The following PARD3 variants were observed in gnomAD, a reference collection of about 807,000 sequenced individuals.
PARD3 encodes partitioning defective 3 homolog.
Under a neutral mutation model 155.4 loss-of-function variants are expected in PARD3, and 75 were observed. The ratio of observed to expected loss-of-function variants is 0.48; its 90% confidence interval spans 0.40 to 0.58. The LOEUF (loss-of-function observed/expected upper bound fraction) is 0.58. Among genes scored for constraint, PARD3 ranks in the 20% least tolerant of loss-of-function variants. The pLI is 0.00. For synonymous variants in PARD3, 576 were observed against 610.5 expected, an observed-to-expected ratio of 0.94 and a Z score of 0.83; for missense variants, 1,642 against 1,721.7, an observed-to-expected ratio of 0.95 and a Z score of 0.82.
At chr10:34,577,765 G>A (rs1465769317) in intron 2 of PARD3, among the ~76,000 whole-genome samples, 1 of 152,170 alleles carries the variant, frequency 6.6e-6, no homozygotes, top group Non-Finnish European at 1.5e-5. Flanking sequence ...TACATAGATG[G>A]ATTCTTTAAA....
chr10:34,761,620 T>C (rs1837446817), intron 1 of PARD3, among the ~76,000 whole-genome samples: 2 of 152,232 alleles, frequency 1.3e-5, no homozygotes, highest in African/African-American at 4.8e-5. Flanking sequence ...TTTCTTCTAC[T>C]AACTCACATA....
intron 2 of PARD3, among the ~76,000 whole-genome samples, chr10:34,569,062 T>C (rs977674763): frequency 3.3e-5 from 5 of 152,246 alleles, no homozygotes; most frequent in Non-Finnish European, 7.3e-5. Context: ...AGATGAACTG[T>C]ATTTTACAAA....
chr10:34,225,441 G>A (rs529968086), intron 22 of PARD3, among the ~76,000 whole-genome samples: 42 of 152,054 alleles, frequency 2.8e-4, no homozygotes, highest in Non-Finnish European at 5.3e-4. Flanking sequence ...CACCTCCCGG[G>A]TTCAAGTGAT....
At chr10:34,333,281 A>C (rs1251710561) in intron 18 of PARD3, among the ~76,000 whole-genome samples, 1 of 152,154 alleles carries the variant, frequency 6.6e-6, no homozygotes, top group Admixed American at 6.5e-5. Flanking sequence ...GTGTACTGAC[A>C]GCAATAAAAA....
intron 2 of PARD3, among the ~76,000 whole-genome samples, chr10:34,605,585 ATATCTCC>A (rs1220261039): frequency 1.2e-4 from 6 of 50,594 alleles, no homozygotes; most frequent in South Asian, 5.7e-4. Flanking sequence ...TCTCCTATAT[ATATCTCC>A]TATATATATA....
chr10:34,305,497 C>A (rs1957359632), intron 20 of PARD3, among the ~76,000 whole-genome samples: 1 of 152,208 alleles, frequency 6.6e-6, no homozygotes, highest in African/African-American at 2.4e-5. Context: ...CAGAATCTTA[C>A]ACAACTCCTA....
chr10:34,435,764 G>C (rs1000242861), intron 5 of PARD3, among the ~76,000 whole-genome samples: 3 of 152,144 alleles, frequency 2.0e-5, no homozygotes, highest in African/African-American at 7.2e-5. Flanking sequence ...TAACACAGAA[G>C]TAAATTACAA....
chr10:34,526,359 C>A (rs1039666886), intron 2 of PARD3, among the ~76,000 whole-genome samples: 2 of 152,158 alleles, frequency 1.3e-5, no homozygotes, highest in African/African-American at 4.8e-5. Flanking sequence ...CCTGAAATCT[C>A]CCCCAGTCCC....
chr10:34,519,067 T>A (rs1413056417), intron 2 of PARD3, among the ~76,000 whole-genome samples: 2 of 152,050 alleles, frequency 1.3e-5, no homozygotes, highest in Non-Finnish European at 2.9e-5. Flanking sequence ...AAACCCAAAT[T>A]GAGGGATATT....
At chr10:34,255,269 C>T (rs993739528) in intron 22 of PARD3, among the ~76,000 whole-genome samples, 1 of 152,172 alleles carries the variant, frequency 6.6e-6, no homozygotes, top group African/African-American at 2.4e-5. Context: ...CCAATCCACG[C>T]TATAGTTTTA....
chr10:34,129,609 C>T (rs537892177), intron 23 of PARD3, among the ~76,000 whole-genome samples: 41 of 152,012 alleles, frequency 2.7e-4, no homozygotes, highest in African/African-American at 8.9e-4. Flanking sequence ...TACCTTTAAT[C>T]TCCCCTTCCC....
At chr10:34,477,123 T>C (rs191408657) in intron 3 of PARD3, among the ~76,000 whole-genome samples, 1 of 152,320 alleles carries the variant, frequency 6.6e-6, no homozygotes, top group East Asian at 1.9e-4. Flanking sequence ...TTCAGCATTA[T>C]TAATAATCTG....
rs113196470 is a variant in PARD3 at position 34,757,233 on chromosome 10, A to T, written c.120+57643T>A. ...TTCAAACACAGTGATCATGACTGAA[A>T]ATTATAGTTAATTACTAGTCAGCAC... On this transcript the variant is annotated intron_variant, in intron 1 of 24. Coordinates refer to ENST00000374788, the MANE Select transcript of PARD3 (RefSeq NM_001184785.2). Among the ~76,000 whole-genome samples the T allele has an allele frequency of 5.4e-3, 828 of 152,338 alleles. 8 individuals are homozygous for T. The highest frequency in any genetic ancestry group is 0.019 in the African/African-American group (787 of 41,566).
chr10:34,719,894 G>C (rs1046378912), intron 1 of PARD3, among the ~76,000 whole-genome samples: 1 of 152,078 alleles, frequency 6.6e-6, no homozygotes, highest in Non-Finnish European at 1.5e-5. Flanking sequence ...CAACTCACAG[G>C]GCAAAACCCA....
At chr10:34,429,990 A>G (rs114726321) in intron 5 of PARD3, among the ~76,000 whole-genome samples, 4,164 of 152,272 alleles carry the variant, frequency 0.027, 188 homozygotes, top group African/African-American at 0.095. Flanking sequence ...TTGGTCTCCC[A>G]AAGTGCTAAG....
intron 22 of PARD3, among the ~76,000 whole-genome samples, chr10:34,179,156 A>G (rs1466403979): frequency 7.1e-6 from 1 of 141,720 alleles, no homozygotes; most frequent in Non-Finnish European, 1.5e-5. Flanking sequence ...TATAGCACGC[A>G]TGTGCGTGCG....
chr10:34,195,305 C>A (rs1950887827), intron 22 of PARD3, among the ~76,000 whole-genome samples: 1 of 152,184 alleles, frequency 6.6e-6, no homozygotes, highest in East Asian at 1.9e-4. Context: ...ATTTTCTTCA[C>A]CACACTGAGC....
At chr10:34,215,533 C>G (rs1041086651) in intron 22 of PARD3, among the ~76,000 whole-genome samples, 1 of 152,186 alleles carries the variant, frequency 6.6e-6, no homozygotes, top group South Asian at 2.1e-4. Context: ...TAAGAAGTTA[C>G]ATTTTAAGCA....
At chr10:34,656,968 C>G (rs1241799584) in intron 2 of PARD3, among the ~76,000 whole-genome samples, 1 of 152,210 alleles carries the variant, frequency 6.6e-6, no homozygotes, top group African/African-American at 2.4e-5. Flanking sequence ...ACATTCAACA[C>G]TGTGCCTAAG....
Sources: gnomAD v4.1 joint callset for allele counts (sites outside exome capture counted in the v4.1 genomes callset) on GRCh38, gnomAD v4.1.1 for gene constraint, MANE v1.5 for transcripts, NCBI Gene and HGNC (gene_info 2026-07-23, HGNC 2026-07-21) for gene names.